The following MDGA2 variants were observed in gnomAD, a reference collection of about 807,000 sequenced individuals.
MDGA2 encodes MAM domain-containing glycosylphosphatidylinositol anchor protein 2.
MDGA2 carries 40 observed loss-of-function variants against 117.8 expected under a neutral mutation model. That is an observed-to-expected ratio of 0.34 (90% CI 0.26 to 0.44). MDGA2 has a LOEUF of 0.44. Ranked by LOEUF, MDGA2 falls within the 20% of genes least tolerant of loss-of-function variation. The pLI, the probability that MDGA2 is intolerant of heterozygous loss-of-function variation, is 1.00. For missense variants in MDGA2, 1,123 were observed against 1,250.6 expected, an observed-to-expected ratio of 0.90 and a Z score of 1.54; for synonymous variants, 452 against 439.0, an observed-to-expected ratio of 1.03 and a Z score of -0.37.
chr14:47,626,792 C>T (rs547589821), intron 1 of MDGA2, among the ~76,000 whole-genome samples: 1 of 152,214 alleles, frequency 6.6e-6, no homozygotes. Context: ...GCCTGAGCAT[C>T]CCCCACCCTC....
intron 1 of MDGA2, among the ~76,000 whole-genome samples, chr14:47,358,425 C>T (rs377178954): frequency 6.6e-5 from 10 of 152,246 alleles, no homozygotes; most frequent in South Asian, 6.2e-4. Flanking sequence ...CAAACCCACC[C>T]GTTGTGCGGG....
intron 8 of MDGA2, among the ~76,000 whole-genome samples, chr14:47,031,690 G>T (rs1159232951): frequency 6.6e-6 from 1 of 152,120 alleles, no homozygotes; most frequent in Non-Finnish European, 1.5e-5. Context: ...ATCTTGGTGT[G>T]GGATTTCTCA....
intron 1 of MDGA2, among the ~76,000 whole-genome samples, chr14:47,305,693 C>T (rs1344227107): frequency 6.6e-6 from 1 of 152,130 alleles, no homozygotes; most frequent in East Asian, 1.9e-4. Context: ...AGACTCTGTG[C>T]TGGGGATATG....
chr14:47,110,335 TA>T (rs1418507736), intron 5 of MDGA2, among the ~76,000 whole-genome samples: 1 of 152,198 alleles, frequency 6.6e-6, no homozygotes, highest in African/African-American at 2.4e-5. Context: ...GTACATACTT[TA>T]ATGGGGATTT....
At chr14:47,549,164 G>A (rs1895526840) in intron 1 of MDGA2, among the ~76,000 whole-genome samples, 1 of 152,180 alleles carries the variant, frequency 6.6e-6, no homozygotes, top group African/African-American at 2.4e-5. Flanking sequence ...CTTTCAGGAA[G>A]CTGCTGGTTG....
chr14:47,473,979 A>G (rs1190247659), intron 1 of MDGA2, among the ~76,000 whole-genome samples: 1 of 152,198 alleles, frequency 6.6e-6, no homozygotes, highest in Non-Finnish European at 1.5e-5. Context: ...AGTTCTGGCC[A>G]GGGCAGTTAG....
chr14:47,343,534 T>C (rs1006478604), intron 1 of MDGA2, among the ~76,000 whole-genome samples: 1 of 152,196 alleles, frequency 6.6e-6, no homozygotes, highest in Non-Finnish European at 1.5e-5. Flanking sequence ...TTTTTAGCTT[T>C]ATCTTCAGTT....
chr14:47,571,147 GA>G (rs1305720801), intron 1 of MDGA2, among the ~76,000 whole-genome samples: 1 of 152,074 alleles, frequency 6.6e-6, no homozygotes, highest in Non-Finnish European at 1.5e-5. Flanking sequence ...CAACAAACAT[GA>G]AAAAAACTTC....
intron 4 of MDGA2, among the ~76,000 whole-genome samples, chr14:47,136,136 C>G (rs1283048896): frequency 6.6e-6 from 1 of 151,670 alleles, no homozygotes; most frequent in African/African-American, 2.4e-5. Context: ...CCAAACAACT[C>G]TACTCTCCAG....
chr14:47,451,813 C>T (rs1267917312), intron 1 of MDGA2, among the ~76,000 whole-genome samples: 2 of 151,972 alleles, frequency 1.3e-5, no homozygotes, highest in Non-Finnish European at 2.9e-5. Flanking sequence ...TTTGCCATTT[C>T]CCCACACTGA....
At chr14:47,418,207 G>A (rs1359366654) in intron 1 of MDGA2, among the ~76,000 whole-genome samples, 1 of 152,028 alleles carries the variant, frequency 6.6e-6, no homozygotes, top group Non-Finnish European at 1.5e-5. Context: ...CTCCCGAGTT[G>A]AGGATTACAC....
chr14:46,849,222 A>T (rs1281070342), intron 15 of MDGA2, among the ~76,000 whole-genome samples: 1 of 151,964 alleles, frequency 6.6e-6, no homozygotes, highest in East Asian at 1.9e-4. Context: ...GGCCAGAGAA[A>T]TCTGCAGTCT....
chr14:47,545,516 A>C (rs1566508354), intron 1 of MDGA2, among the ~76,000 whole-genome samples: 1 of 152,186 alleles, frequency 6.6e-6, no homozygotes. Context: ...TATAAAGAAG[A>C]ATGAAAGCTA....
intron 12 of MDGA2, among the ~76,000 whole-genome samples, chr14:46,875,026 A>AATAAAC (rs1220045308): frequency 6.6e-6 from 1 of 151,792 alleles, no homozygotes; most frequent in African/African-American, 2.4e-5. Flanking sequence ...CTTGAGAAAG[A>AATAAAC]ATAAACATAA....
intron 1 of MDGA2, among the ~76,000 whole-genome samples, chr14:47,630,040 C>T (rs1897224401): frequency 6.6e-6 from 1 of 151,476 alleles, no homozygotes; most frequent in South Asian, 2.1e-4. Flanking sequence ...GTGGGGAGGG[C>T]TCACAGAATA....
chr14:47,164,477 T>C (rs1883777986), intron 3 of MDGA2, among the ~76,000 whole-genome samples: 1 of 152,168 alleles, frequency 6.6e-6, no homozygotes, highest in African/African-American at 2.4e-5. Flanking sequence ...AAGACATTTA[T>C]GCAGCCAAAA....
At chr14:47,610,576 A>AAACAAACAACAAC (rs1555336145) in intron 1 of MDGA2, among the ~76,000 whole-genome samples, 1 of 151,524 alleles carries the variant, frequency 6.6e-6, no homozygotes, top group African/African-American at 2.4e-5. Context: ...AAAAACAAAC[A>AAACAAACAACAAC]AACAACAACA....
At chr14:47,396,270 C>A (rs1019098907) in intron 1 of MDGA2, among the ~76,000 whole-genome samples, 7 of 152,030 alleles carry the variant, frequency 4.6e-5, no homozygotes, top group Non-Finnish European at 1.0e-4. Flanking sequence ...TATGTATTAT[C>A]TGATAAAACA....
chr14:47,019,121 C>A (rs915275433), intron 8 of MDGA2, among the ~76,000 whole-genome samples: 1 of 152,200 alleles, frequency 6.6e-6, no homozygotes, highest in Non-Finnish European at 1.5e-5. Flanking sequence ...GAATTCCTCA[C>A]AGCTTTCAAA....
Sources: allele counts gnomAD v4.1 joint callset (sites outside exome capture counted in the v4.1 genomes callset), GRCh38; gene constraint gnomAD v4.1.1; transcripts MANE v1.5; gene names NCBI Gene and HGNC (gene_info 2026-07-23, HGNC 2026-07-21).